The following RPH3A variants were observed in gnomAD, a reference collection of about 807,000 sequenced individuals.
RPH3A encodes the protein rabphilin 3A.
In RPH3A, 48 loss-of-function variants were observed where a neutral mutation model predicts 102.2. The observed-to-expected ratio is 0.47, with a 90% CI of 0.37 to 0.60. RPH3A has a LOEUF of 0.60. RPH3A is among the 20% of genes least tolerant of loss of function. RPH3A has a pLI of 0.00. For missense variants in RPH3A, 781 were observed against 910.1 expected (o/e 0.86, Z 1.83); for synonymous variants, 310 against 324.3 (o/e 0.96, Z 0.47).
intron 1 of RPH3A, among the ~76,000 whole-genome samples, chr12:112,671,300 A>G (rs1406802445): frequency 6.6e-6 from 1 of 152,206 alleles, no homozygotes; most frequent in Non-Finnish European, 1.5e-5. Flanking sequence ...TTAGCGTGGT[A>G]ATTTCCCAAT....
intron 5 of RPH3A, among the ~76,000 whole-genome samples, chr12:112,850,059 T>C (rs1013016643): frequency 2.6e-5 from 4 of 152,126 alleles, no homozygotes; most frequent in Non-Finnish European, 5.9e-5. Context: ...ACCAACCTGG[T>C]GACATGGTGG....
chr12:112,671,296 TG>T (rs1299107164), intron 1 of RPH3A, among the ~76,000 whole-genome samples: 1 of 152,212 alleles, frequency 6.6e-6, no homozygotes, highest in Non-Finnish European at 1.5e-5. Flanking sequence ...AGGATTAGCG[TG>T]GTAATTTCCC....
intron 1 of RPH3A, among the ~76,000 whole-genome samples, chr12:112,747,907 T>C (rs146224214): frequency 1.3e-3 from 205 of 152,346 alleles, no homozygotes; most frequent in Non-Finnish European, 2.2e-3. Context: ...CCTCAACGCC[T>C]GGCAGCCAGG....
Position 112,896,903 on chromosome 12 carries a change from C to A in RPH3A, c.*123C>A. 9.0e-7 allele frequency: 1 copy of A among 1,107,762 alleles called. No homozygotes were observed. The highest frequency in any genetic ancestry group is 1.3e-6 in the Non-Finnish European group (1 of 778,750). 68.6% of individuals were successfully genotyped at this position (1,107,762 alleles called of 1,614,324 possible). Reference sequence around the variant, plus strand: ...CCCATACCCTGCTGATCTCCCTGAGCCTGCCTTTGAGCCCCCGTCACGTTG... The same window carrying A: ...CCCATACCCTGCTGATCTCCCTGAGACTGCCTTTGAGCCCCCGTCACGTTG... On this transcript the variant is annotated 3_prime_UTR_variant, in exon 22 of 22. Coordinates refer to ENST00000389385, the MANE Select transcript of RPH3A (RefSeq NM_001143854.2).
intron 1 of RPH3A, among the ~76,000 whole-genome samples, chr12:112,610,838 G>A (rs972735881): frequency 3.3e-5 from 5 of 152,108 alleles, no homozygotes; most frequent in East Asian, 1.9e-4. Context: ...GGGTTTCACC[G>A]TGTTAGCCAG....
chr12:112,850,171 T>C (rs1441932880), intron 5 of RPH3A, among the ~76,000 whole-genome samples: 1 of 152,196 alleles, frequency 6.6e-6, no homozygotes. Context: ...ATAAGCCACT[T>C]TACCTCCCTG....
chr12:112,660,523 T>C (rs529864061), intron 1 of RPH3A, among the ~76,000 whole-genome samples: 8 of 152,200 alleles, frequency 5.3e-5, no homozygotes, highest in Non-Finnish European at 8.8e-5. Flanking sequence ...GGAAAAGCTA[T>C]AAAAACTATT....
chr12:112,894,671 C>G lies in RPH3A; in HGVS notation c.1857+12C>G. The G allele has an allele frequency of 6.2e-7, 1 of 1,611,240 alleles. No homozygotes were observed. Among genetic ancestry groups the G allele is most frequent in the Non-Finnish European group, 8.5e-7 (1 of 1,178,730 alleles). The stretch of plus-strand genomic sequence containing the variant: ...CCGAATTCAATGAGGTAAGGCTGCC[C>G]TATTCTTTTTCATGCTCTGGGATAT... On this transcript the variant is annotated intron_variant, in intron 20 of 21. Coordinates refer to ENST00000389385, the MANE Select transcript of RPH3A (RefSeq NM_001143854.2).
intron 1 of RPH3A, among the ~76,000 whole-genome samples, chr12:112,643,585 T>G (rs1429251343): frequency 6.6e-6 from 1 of 152,260 alleles, no homozygotes. Context: ...CACTTTCATC[T>G]CAGTGTAAAA....
intron 5 of RPH3A, among the ~76,000 whole-genome samples, chr12:112,848,734 G>T (rs1677953521): frequency 6.6e-6 from 1 of 152,142 alleles, no homozygotes; most frequent in Admixed American, 6.6e-5. Context: ...GTGAAGAGTG[G>T]AAGAGAGTGA....
chr12:112,650,528 A>G (rs964014798), intron 1 of RPH3A, among the ~76,000 whole-genome samples: 1 of 152,168 alleles, frequency 6.6e-6, no homozygotes, highest in Non-Finnish European at 1.5e-5. Flanking sequence ...TCAGGGTCCA[A>G]AAGTTGAATT....
chr12:112,594,078 C>G (rs1034942203), intron 1 of RPH3A, among the ~76,000 whole-genome samples: 2 of 152,216 alleles, frequency 1.3e-5, no homozygotes, highest in Non-Finnish European at 2.9e-5. Flanking sequence ...TGAATAAAGA[C>G]AGTCAGGAAA....
intron 1 of RPH3A, among the ~76,000 whole-genome samples, chr12:112,743,436 A>G (rs981810365): frequency 1.3e-5 from 2 of 152,072 alleles, no homozygotes; most frequent in Admixed American, 1.3e-4. Flanking sequence ...CATAGAGACT[A>G]CACTTGGAGA....
At chr12:112,712,688 T>C (rs1267165410) in intron 1 of RPH3A, among the ~76,000 whole-genome samples, 1 of 151,814 alleles carries the variant, frequency 6.6e-6, no homozygotes, top group Non-Finnish European at 1.5e-5. Flanking sequence ...TGTGTGTGTG[T>C]ATGTGTATAT....
intron 1 of RPH3A, among the ~76,000 whole-genome samples, chr12:112,760,012 T>G (rs917353355): frequency 6.6e-6 from 1 of 152,126 alleles, no homozygotes; most frequent in African/African-American, 2.4e-5. Flanking sequence ...GTCTGGGCAG[T>G]GCGGATATTC....
In RPH3A at chr12:112,694,649, C is replaced by T. The variant is rs560879495; in HGVS notation, c.-139-97494C>T. On this transcript the variant is annotated intron_variant, in intron 1 of 21. Coordinates refer to the RPH3A transcript ENST00000543106. The stretch of plus-strand genomic sequence containing the variant: ...ACACACGCACGCGCGCGCGCGCACA[C>T]GCACACACACACACACACACACACA... 8.4e-3 allele frequency among the ~76,000 whole-genome samples: 761 copies of T among 90,218 alleles called. 7 individuals carry two copies. The highest frequency in any genetic ancestry group is 0.041 in the African/African-American group (727 of 17,816). The allele number at this position is 90,218 out of a possible 152,430, so 59.2% of individuals were successfully genotyped here.
chr12:112,856,311 C>G (rs370393453), intron 5 of RPH3A, among the ~76,000 whole-genome samples: 8 of 152,198 alleles, frequency 5.3e-5, no homozygotes, highest in Non-Finnish European at 1.2e-4. Context: ...TCAGTTTGGG[C>G]TTTTTGTGGG....
At chr12:112,601,458 C>G (rs2039558649) in intron 1 of RPH3A, among the ~76,000 whole-genome samples, 1 of 152,124 alleles carries the variant, frequency 6.6e-6, no homozygotes, top group Non-Finnish European at 1.5e-5. Flanking sequence ...ACATTATATT[C>G]ATGCCACTGA....
chr12:112,837,420 C>G (rs367775185), intron 4 of RPH3A, among the ~76,000 whole-genome samples: 1 of 151,966 alleles, frequency 6.6e-6, no homozygotes. Flanking sequence ...TCTTGCACAA[C>G]TTTTTCAGCT....
Sources: allele counts gnomAD v4.1 joint callset (sites outside exome capture counted in the v4.1 genomes callset), GRCh38; gene constraint gnomAD v4.1.1; transcripts MANE v1.5; gene names NCBI Gene and HGNC (gene_info 2026-07-23, HGNC 2026-07-21).